Variants in OPN4 observed in about 807,000 individuals in gnomAD.
The protein encoded by OPN4 is melanopsin.
A neutral mutation model predicts 49.5 loss-of-function variants in OPN4; 43 were observed. That is an observed-to-expected ratio of 0.87 (90% CI 0.68 to 1.12). The LOEUF (loss-of-function observed/expected upper bound fraction) is 1.12. OPN4 is among the 50% of genes most tolerant of loss of function. The pLI is 0.00. For missense variants in OPN4, 657 were observed against 643.9 expected (o/e 1.02, Z -0.22); for synonymous variants, 263 against 258.0 (o/e 1.02, Z -0.19).
chr10:86,658,759 A>G, intron 4 of OPN4, 72 bp downstream of exon 4: 1 of 1,544,712 alleles, frequency 6.5e-7, no homozygotes, highest in East Asian at 2.3e-5. Flanking sequence ...AAGTAGGTGG[A>G]CTTGGGTCAG....
chr10:86,663,881 G>A, intron 9 of OPN4, 79 bp downstream of exon 9: 1 of 1,501,148 alleles, frequency 6.7e-7, no homozygotes, highest in Non-Finnish European at 9.0e-7. Flanking sequence ...CCAGGAAAGA[G>A]AGACTTGTTC....
chr10:86,656,267 TG>T lies in OPN4; in HGVS notation c.260del (p.Gly87AlafsTer3), dbSNP rs755184830. 1 of 1,612,486 alleles carries T rather than the reference TG, an allele frequency of 6.2e-7. No homozygotes were observed. The highest frequency in any genetic ancestry group is 1.1e-5 in the South Asian group (1 of 90,832). Reference protein sequence around the residue: ...VILLVGLTGMLGNLTVIYTFC... With the variant: ...VILLVGLTGMXGNLTVIYTFC... ...TTGCTGGTGGGACTCACGGGGATGC[TG>T]GGCAACCTGACGGTCATCTATACCT... is the stretch of plus-strand genomic sequence containing the variant. On this transcript the variant is annotated frameshift_variant, in exon 2 of 10. Coordinates refer to ENST00000241891, the MANE Select transcript of OPN4 (RefSeq NM_033282.4). LOFTEE classifies it high-confidence loss of function.
chr10:86,664,069 C>T lies in OPN4; in HGVS notation c.1398+267C>T, dbSNP rs117457475. 3.2e-3 allele frequency: 1,379 copies of T among 424,416 alleles called. 1 individual carries two copies. The highest frequency in any genetic ancestry group is 4.4e-3 in the Non-Finnish European group (1,024 of 235,030). 26.3% of individuals were successfully genotyped at this position (424,416 alleles called of 1,614,324 possible). A position where few individuals can be genotyped will look rare whatever the true frequency, so the allele number is the denominator to read the frequency against. ...CTCTGACTCTGCATGGTGCTGTTGGCTGTGCTGTGGCATGATAAGAGTACA... is the reference window on the plus strand; with the variant it reads ...CTCTGACTCTGCATGGTGCTGTTGGTTGTGCTGTGGCATGATAAGAGTACA... On this transcript the variant is annotated intron_variant, in intron 9 of 9. Coordinates refer to ENST00000241891, the MANE Select transcript of OPN4 (RefSeq NM_033282.4).
In OPN4 at chr10:86,665,948, C is replaced by CTTTTT; in HGVS notation, c.*197_*198insTTTTT. The CTTTTT allele has an allele frequency of 1.7e-6, 1 of 578,102 alleles. No individual in the cohort carries two copies. The allele number at this position is 578,102 out of a possible 1,614,324, so 35.8% of individuals were successfully genotyped here. A position where few individuals can be genotyped will look rare whatever the true frequency, so the allele number is the denominator to read the frequency against. Reference sequence around the variant, plus strand: ...AACTCCTGCCCCATAACGTCCTCCGCATCCACTTTCCAGCTCAGCAGCCGC... The same window carrying CTTTTT: ...AACTCCTGCCCCATAACGTCCTCCGCTTTTTATCCACTTTCCAGCTCAGCAGCCGC... On this transcript the variant is annotated 3_prime_UTR_variant, in exon 10 of 10. Coordinates refer to ENST00000241891, the MANE Select transcript of OPN4 (RefSeq NM_033282.4).
chr10:86,665,434 C>T (rs1024037979), intron 9 of OPN4, among the ~76,000 whole-genome samples: 3 of 151,916 alleles, frequency 2.0e-5, no homozygotes, highest in East Asian at 1.9e-4. Context: ...AAGAGAGGAG[C>T]GGATTGGATG....
rs1843829703 is a variant in OPN4 at position 86,654,845 on chromosome 10, C to G, written c.62C>G (p.Ala21Gly). The G allele has an allele frequency of 6.5e-7, 1 of 1,548,764 alleles. No individual in the cohort carries two copies. Among genetic ancestry groups the G allele is most frequent in the Non-Finnish European group, 8.8e-7 (1 of 1,134,878 alleles). Residue 21 changes from alanine to glycine, a missense_variant, in exon 1 of 10, where the codon GCC (alanine) becomes GGC (glycine). Physicochemically the swap from Ala to Gly is moderately conservative, Grantham distance 60 (BLOSUM62 0). Transcript: ENST00000241891. ...PSPTQEPSCMATPAPPSWWDS... is the reference protein window; with the variant it reads ...PSPTQEPSCMGTPAPPSWWDS... ...CCAACCCAAGAGCCCAGCTGCATGG[C>G]CACCCCAGCACCACCCAGCTGGTGG... is the stretch of plus-strand genomic sequence containing the variant.
Position 86,659,904 on chromosome 10 carries a change from G to A in OPN4, c.810G>A (p.Gln270=), listed in dbSNP as rs763949934. 4.3e-6 allele frequency: 7 copies of A among 1,614,062 alleles called. No homozygotes were observed. In the South Asian group the frequency reaches 6.6e-5, roughly 15 times the overall value. The change falls in exon 6 of 10, where the codon CAG becomes CAA. Residue 270 remains glutamine, a synonymous_variant. Coordinates refer to ENST00000241891, the MANE Select transcript of OPN4 (RefSeq NM_033282.4). ...GATGCGTCCTTCCTAGGGCTCTCCAGACCTTCGGGGCCTGCAAGGGCAATG... is the reference window on the plus strand; with the variant it reads ...GATGCGTCCTTCCTAGGGCTCTCCAAACCTTCGGGGCCTGCAAGGGCAATG... ...RAIRETGRAL[Q]TFGACKGNGE... is the part of the protein sequence containing the mutation.
chr10:86,660,090 G>T (rs367915576), intron 6 of OPN4, 31 bp downstream of exon 6: 1 of 1,610,912 alleles, frequency 6.2e-7, no homozygotes. Context: ...TGGGGAAGAG[G>T]CTGAAGGTGT....
intron 2 of OPN4, among the ~76,000 whole-genome samples, chr10:86,657,693 A>G (rs1843903681): frequency 6.6e-6 from 1 of 152,134 alleles, no homozygotes; most frequent in African/African-American, 2.4e-5. Context: ...AGGAATTTAG[A>G]GGGCAAGAAG....
chr10:86,659,812 G>T, intron 5 of OPN4, 83 bp from the exon 6 acceptor site: 1 of 1,440,852 alleles, frequency 6.9e-7, no homozygotes, highest in South Asian at 1.2e-5. Context: ...GGATAGTCCA[G>T]AGAGGCTCCC....
chr10:86,661,694 C>G (rs1457468430), intron 7 of OPN4, among the ~76,000 whole-genome samples: 2 of 144,818 alleles, frequency 1.4e-5, no homozygotes, highest in Non-Finnish European at 3.1e-5. Flanking sequence ...AGCACCCCCC[C>G]GCCCCGCCCT....
Position 86,658,705 on chromosome 10 carries a change from A to G in OPN4, c.628+18A>G, listed in dbSNP as rs1843930995. 6.2e-7 allele frequency: 1 copy of G among 1,608,482 alleles called. No homozygotes were observed. The highest frequency in any genetic ancestry group is 1.3e-5 in the African/African-American group (1 of 74,880). On this transcript the variant is annotated intron_variant, in intron 4 of 9. Transcript: ENST00000241891. ...CGGCTGGAGTAAGTGGGCTGCTGGA[A>G]CTGGAAGGGGGGCAGATGGGCTGGG...
chr10:86,654,659 G>T lies in OPN4; in HGVS notation c.-125G>T, dbSNP rs1018024833. On this transcript the variant is annotated 5_prime_UTR_variant, in exon 1 of 10. Coordinates refer to ENST00000241891, the MANE Select transcript of OPN4 (RefSeq NM_033282.4). ...TCTGCGCCGGACACAGGAGAAAGCA[G>T]CGGGTAGGCTAAGCAGGGGTGCTGA... 6.6e-6 allele frequency: 9 copies of T among 1,354,098 alleles called. No individual in the cohort carries two copies. Among genetic ancestry groups the T allele is most frequent in the Non-Finnish European group, 9.1e-6 (9 of 988,706 alleles). 83.9% of individuals were successfully genotyped at this position (1,354,098 alleles called of 1,614,324 possible).
intron 3 of OPN4, 93 bp downstream of exon 3, chr10:86,658,258 C>T: frequency 6.6e-7 from 1 of 1,521,916 alleles, no homozygotes; most frequent in Non-Finnish European, 8.9e-7. Context: ...AGGTGATTTG[C>T]TGCTTCTGGG....
chr10:86,663,585 C>T, intron 8 of OPN4, 74 bp from the exon 9 acceptor site: 1 of 1,351,716 alleles, frequency 7.4e-7, no homozygotes, highest in Non-Finnish European at 9.7e-7. Context: ...GAAGGAGGGC[C>T]TGGTGGGGTA....
intron 5 of OPN4, 65 bp downstream of exon 5, chr10:86,659,533 C>A (rs2254548): frequency 0.12 from 185,863 of 1,555,060 alleles, 12,474 homozygotes; most frequent in Middle Eastern, 0.14. Flanking sequence ...GCGGCCCCTG[C>A]CCCACCACTC....
At chr10:86,657,736 G>T (rs185460578) in intron 2 of OPN4, among the ~76,000 whole-genome samples, 3 of 152,146 alleles carry the variant, frequency 2.0e-5, no homozygotes, top group Non-Finnish European at 2.9e-5. Context: ...ACCGGCCTGC[G>T]CTGGGCCACG....
chr10:86,665,505 G>C (rs1274376298), intron 9 of OPN4, among the ~76,000 whole-genome samples: 2 of 152,092 alleles, frequency 1.3e-5, no homozygotes, highest in Admixed American at 1.3e-4. Context: ...GAGCATCCCA[G>C]GAGATGCTCT....
rs747204700 is a variant in OPN4 at position 86,663,746 on chromosome 10, T to C, written c.1342T>C (p.Leu448=). The C allele has an allele frequency of 2.3e-5, 36 of 1,572,118 alleles. No individual in the cohort carries two copies. Among genetic ancestry groups the C allele is most frequent in the Non-Finnish European group, 3.0e-5 (35 of 1,159,194 alleles). ...RSLYGQGLED[L]EAKAPPRPQG... is the part of the protein sequence containing the mutation. ...CCTCTACGGTCAGGGTCTGGAGGAC[T>C]TGGAAGCCAAGGCACCCCCCAGACC... Residue 448 remains leucine (L), a synonymous_variant, in exon 9 of 10, where the codon TTG becomes CTG. Transcript: ENST00000241891.
Sources: allele counts gnomAD v4.1 joint callset (sites outside exome capture counted in the v4.1 genomes callset), GRCh38; gene constraint gnomAD v4.1.1; transcripts MANE v1.5; gene names NCBI Gene and HGNC (gene_info 2026-07-23, HGNC 2026-07-21).